BTBD3: variants seen among roughly 807,000 people sequenced by gnomAD.
BTBD3 encodes BTB domain containing 3, also known as BTB/POZ domain-containing protein 3.
Under a neutral mutation model 41.6 loss-of-function variants are expected in BTBD3, and 14 were observed. The observed-to-expected ratio is 0.34, with a 90% CI of 0.22 to 0.53. BTBD3 has a LOEUF of 0.53. Ranked by LOEUF, BTBD3 falls within the 20% of genes least tolerant of loss-of-function variation. The probability of loss-of-function intolerance (pLI) is 0.95; values close to 1 mark genes in which losing one functional copy is unlikely to be tolerated. For synonymous variants in BTBD3, 249 were observed against 233.7 expected, an observed-to-expected ratio of 1.07 and a Z score of -0.60; for missense variants, 426 against 654.7, an observed-to-expected ratio of 0.65 and a Z score of 3.81.
At chr20:11,906,937 C>T (rs2056858468) in intron 1 of BTBD3, among the ~76,000 whole-genome samples, 1 of 151,862 alleles carries the variant, frequency 6.6e-6, no homozygotes, top group South Asian at 2.1e-4. Flanking sequence ...TTTAATTATC[C>T]TTTTTTTTGG....
chr20:11,893,689 T>TA (rs897280848), intron 1 of BTBD3, among the ~76,000 whole-genome samples: 3 of 152,012 alleles, frequency 2.0e-5, no homozygotes, highest in Admixed American at 1.3e-4. Flanking sequence ...AAAAATTAAA[T>TA]AAAAAAATAT....
rs533039839 is a variant in BTBD3 at position 11,926,212 on chromosome 20, C to T, written c.*2546C>T. The T allele has an allele frequency of 1.3e-5, 2 of 152,742 alleles. No individual in the cohort carries two copies. Among genetic ancestry groups the T allele is most frequent in the African/African-American group, 4.8e-5 (2 of 41,578 alleles). The allele number at this position is 152,742 out of a possible 1,614,324, so 9.5% of individuals were successfully genotyped here. A position where few individuals can be genotyped will look rare whatever the true frequency, so the allele number is the denominator to read the frequency against. On this transcript the variant is annotated 3_prime_UTR_variant, in exon 4 of 4. Transcript: ENST00000378226. Reference sequence around the variant, plus strand: ...ATACACTGTAGATGCTTTTCCCCAACGTATCTGGCTGGCAGTCTTTGTCGT... The same window carrying T: ...ATACACTGTAGATGCTTTTCCCCAATGTATCTGGCTGGCAGTCTTTGTCGT...
intron 3 of BTBD3, among the ~76,000 whole-genome samples, chr20:11,920,328 T>G (rs879931584): frequency 6.6e-6 from 1 of 152,194 alleles, no homozygotes; most frequent in Admixed American, 6.5e-5. Flanking sequence ...CTGATCTTTG[T>G]GTACACATAC....
intron 1 of BTBD3, among the ~76,000 whole-genome samples, chr20:11,891,726 C>T (rs2056755680): frequency 6.6e-6 from 1 of 152,152 alleles, no homozygotes; most frequent in Non-Finnish European, 1.5e-5. Flanking sequence ...ATTGTTCGGG[C>T]CTGCTGGGGA....
At chr20:11,921,130 G>A (rs2056966922) in intron 3 of BTBD3, among the ~76,000 whole-genome samples, 1 of 152,192 alleles carries the variant, frequency 6.6e-6, no homozygotes, top group African/African-American at 2.4e-5. Context: ...GTTTTCTGTT[G>A]CTGAGGAGAT....
At chr20:11,896,267 T>C (rs1568607018) in intron 1 of BTBD3, among the ~76,000 whole-genome samples, 1 of 152,216 alleles carries the variant, frequency 6.6e-6, no homozygotes, top group African/African-American at 2.4e-5. Context: ...TATTTGTTTT[T>C]GTTACTTTGT....
At chr20:11,901,692 C>G (rs572581830) in intron 1 of BTBD3, among the ~76,000 whole-genome samples, 1 of 152,130 alleles carries the variant, frequency 6.6e-6, no homozygotes, top group East Asian at 1.9e-4. Flanking sequence ...GTTCTGAACT[C>G]TTAGCTAGCA....
At chr20:11,892,394 T>A (rs1211268698) in intron 1 of BTBD3, 2 of 152,240 alleles carry the variant, frequency 1.3e-5, no homozygotes, top group Non-Finnish European at 2.9e-5. Flanking sequence ...CCCCACAGGT[T>A]ACTGGCTTTA....
Position 11,923,640 on chromosome 20 carries a change from A to G in BTBD3, c.1543A>G (p.Ile515Val). 1 of 1,608,386 alleles carries G rather than the reference A, an allele frequency of 6.2e-7. No individual in the cohort carries two copies. Among genetic ancestry groups the G allele is most frequent in the Non-Finnish European group, 8.5e-7 (1 of 1,177,112 alleles). The change falls in exon 4 of 4, where the codon ATC (isoleucine) becomes GTC (valine). Residue 515 changes from isoleucine (I) to valine (V), a missense_variant. By Grantham distance (29) the Ile-to-Val change is conservative. This residue lies in a region of BTBD3 where 321 missense variants were observed against 534.8 expected (regional missense o/e 0.60). Coordinates refer to ENST00000378226, the MANE Select transcript of BTBD3 (RefSeq NM_014962.4). This position sits in a 1 kb window ranked among gnomAD's most constrained non-coding sequence, Gnocchi z 5.3. ...TNGTGVQGGQIPELIFYA is the reference protein window; with the variant it reads ...TNGTGVQGGQVPELIFYA ...TGGCACTGGGGTACAGGGAGGGCAGATCCCTGAACTTATATTCTATGCTTG... is the reference window on the plus strand; with the variant it reads ...TGGCACTGGGGTACAGGGAGGGCAGGTCCCTGAACTTATATTCTATGCTTG...
intron 3 of BTBD3, among the ~76,000 whole-genome samples, chr20:11,920,221 A>G (rs2056957372): frequency 6.6e-6 from 1 of 152,214 alleles, no homozygotes; most frequent in African/African-American, 2.4e-5. Flanking sequence ...GAAGTTAAGT[A>G]CCTTATTTAA....
chr20:11,903,612 A>AT (rs539240243), intron 1 of BTBD3, among the ~76,000 whole-genome samples: 1,541 of 147,072 alleles, frequency 0.01, 17 homozygotes, highest in Middle Eastern at 0.028. Context: ...ACTGTTCTTA[A>AT]TTTTTTTTTT....
chr20:11,899,564 A>G (rs1477631819), intron 1 of BTBD3, among the ~76,000 whole-genome samples: 2 of 150,306 alleles, frequency 1.3e-5, no homozygotes, highest in Non-Finnish European at 3.0e-5. Context: ...TTTTTTTTCT[A>G]ATTGTATTTT....
upstream of BTBD3, among the ~76,000 whole-genome samples, chr20:11,916,726 A>G (rs1042198603): frequency 1.3e-5 from 2 of 152,192 alleles, no homozygotes; most frequent in African/African-American, 4.8e-5. Flanking sequence ...GACAAATGTT[A>G]AAACAAGGAG....
intron 1 of BTBD3, among the ~76,000 whole-genome samples, chr20:11,894,492 A>G (rs1369221298): frequency 1.3e-5 from 2 of 151,968 alleles, no homozygotes; most frequent in Non-Finnish European, 2.9e-5. Context: ...TTTGGTAGCT[A>G]TTGAAATTGA....
At chr20:11,892,329 T>G (rs1043415826) in intron 1 of BTBD3, among the ~76,000 whole-genome samples, 1 of 152,168 alleles carries the variant, frequency 6.6e-6, no homozygotes, top group Non-Finnish European at 1.5e-5. Context: ...AGTCCCCTAC[T>G]CAACCCTCTG....
chr20:11,897,689 C>T (rs968616774), intron 1 of BTBD3, among the ~76,000 whole-genome samples: 4 of 152,136 alleles, frequency 2.6e-5, no homozygotes. Context: ...TGCCGTGGCC[C>T]ATGGCCTCCT....
upstream of BTBD3, among the ~76,000 whole-genome samples, chr20:11,914,619 T>TATA (rs1057483390): frequency 6.6e-6 from 1 of 151,436 alleles, no homozygotes; most frequent in Admixed American, 6.6e-5. Flanking sequence ...AAACTTAAAG[T>TATA]ATAATAATAA....
chr20:11,908,049 T>A (rs1169786948), intron 1 of BTBD3, among the ~76,000 whole-genome samples: 1 of 152,214 alleles, frequency 6.6e-6, no homozygotes, highest in African/African-American at 2.4e-5. Context: ...TTTTGTCTCA[T>A]TTTTGATGCT....
In BTBD3 at chr20:11,907,828, C is replaced by A. The variant is rs528350010; in HGVS notation, c.-125-10506C>A. On this transcript the variant is annotated intron_variant, in intron 1 of 4. Coordinates refer to the BTBD3 transcript ENST00000254977. ...GAATGAAGAGGATGAGTCAAAAGAT[C>A]TAATTGGGAATTGAGCCAGGTCATG... Among the ~76,000 whole-genome samples, 6 of 152,240 alleles carry A rather than the reference C, an allele frequency of 3.9e-5. No homozygotes were observed. The East Asian group carries it at 9.7e-4, about 25-fold the overall frequency.
Sources: allele counts gnomAD v4.1 joint callset (sites outside exome capture counted in the v4.1 genomes callset), GRCh38; gene constraint gnomAD v4.1.1; regional missense constraint gnomAD v4.1.1; non-coding constraint Gnocchi (gnomAD v3.1); transcripts MANE v1.5; gene names NCBI Gene and HGNC (gene_info 2026-07-23, HGNC 2026-07-21).